Variants in PYROXD2 observed in about 807,000 individuals in gnomAD.
PYROXD2 encodes the protein pyridine nucleotide-disulfide oxidoreductase domain-containing protein 2.
A neutral mutation model predicts 71.1 loss-of-function variants in PYROXD2; 69 were observed. The observed-to-expected ratio is 0.97, with a 90% confidence interval of 0.80 to 1.19. PYROXD2 has a LOEUF of 1.19. Ranked by LOEUF, PYROXD2 falls within the 50% of genes most tolerant of loss-of-function variation. PYROXD2 has a pLI of 0.00. For synonymous variants in PYROXD2, 287 were observed against 302.7 expected (o/e 0.95, Z 0.54); for missense variants, 745 against 748.9 (o/e 0.99, Z 0.06).
Position 98,391,089 on chromosome 10 carries a change from G to A in PYROXD2, c.1063-7C>T, listed in dbSNP as rs1044207258. ...ACTCCTCAGGAAGCCACTCCTGGAA[G>A]GAGAAGGCTCCATGAAAGGCCTCAG... is the stretch of plus-strand genomic sequence containing the variant. On this transcript the variant is annotated splice_polypyrimidine_tract_variant and splice_region_variant and intron_variant, in intron 10 of 15. Coordinates refer to ENST00000370575, the MANE Select transcript of PYROXD2 (RefSeq NM_032709.3). 46 of 1,599,218 alleles carry A rather than the reference G, an allele frequency of 2.9e-5. No homozygotes were observed. Among genetic ancestry groups the A allele is most frequent in the Non-Finnish European group, 3.9e-5 (46 of 1,166,880 alleles).
chr10:98,398,091 C>T (rs887075332), intron 5 of PYROXD2, among the ~76,000 whole-genome samples: 4 of 152,096 alleles, frequency 2.6e-5, no homozygotes, highest in African/African-American at 9.7e-5. Context: ...CCATGTTGGC[C>T]AGGCTGGTCA....
intron 6 of PYROXD2, among the ~76,000 whole-genome samples, chr10:98,396,291 C>T (rs1478745204): frequency 6.6e-6 from 1 of 152,118 alleles, no homozygotes; most frequent in African/African-American, 2.4e-5. Flanking sequence ...GTGCTTGTGC[C>T]ACTGATGTGA....
At chr10:98,385,545 C>T (rs1483927720) in intron 14 of PYROXD2, among the ~76,000 whole-genome samples, 1 of 152,214 alleles carries the variant, frequency 6.6e-6, no homozygotes, top group East Asian at 1.9e-4. Context: ...TTGGGTGAGA[C>T]CAGCCCCAGG....
At chr10:98,411,815 C>T (rs770758137) in intron 1 of PYROXD2, 2 of 152,174 alleles carry the variant, frequency 1.3e-5, no homozygotes, top group Non-Finnish European at 2.9e-5. Context: ...TTAACTCTTA[C>T]CATATGAGAA....
chr10:98,414,302 G>A (rs1408319896), intron 1 of PYROXD2: 1 of 152,184 alleles, frequency 6.6e-6, no homozygotes. Flanking sequence ...CCCTCTGCAA[G>A]TGTGAAAGGA....
At chr10:98,403,571 C>T (rs1018320035) in intron 4 of PYROXD2, among the ~76,000 whole-genome samples, 1 of 152,160 alleles carries the variant, frequency 6.6e-6, no homozygotes, top group Non-Finnish European at 1.5e-5. Flanking sequence ...ACTGACCTGC[C>T]CTCTGCTCAC....
At chr10:98,399,929 C>T (rs1302107507) in intron 5 of PYROXD2, among the ~76,000 whole-genome samples, 173 bp downstream of exon 5, 3 of 152,260 alleles carry the variant, frequency 2.0e-5, no homozygotes, top group Non-Finnish European at 4.4e-5. Context: ...CCACCCGCTT[C>T]TCTTCGCAGT....
At chr10:98,388,645 T>A in intron 12 of PYROXD2, 137 bp from the exon 13 acceptor site, 2 of 1,013,438 alleles carry the variant, frequency 2.0e-6, no homozygotes, top group Non-Finnish European at 2.8e-6. Context: ...GCCACAGTGG[T>A]TGTCCACCTG....
chr10:98,398,071 C>T (rs1184079083), intron 5 of PYROXD2, among the ~76,000 whole-genome samples: 9 of 151,868 alleles, frequency 5.9e-5, no homozygotes, highest in African/African-American at 1.5e-4. Context: ...TTAGTAGAGA[C>T]GGAGTTTCAC....
chr10:98,391,957 C>T (rs1842959049), intron 10 of PYROXD2, among the ~76,000 whole-genome samples: 1 of 152,196 alleles, frequency 6.6e-6, no homozygotes, highest in Admixed American at 6.5e-5. Flanking sequence ...GACGCATGAG[C>T]AAGCCTTAAG....
intron 10 of PYROXD2, 96 bp from the exon 11 acceptor site, chr10:98,391,178 T>C: frequency 1.2e-6 from 1 of 824,802 alleles, no homozygotes; most frequent in South Asian, 1.4e-5. Flanking sequence ...AGTCGCTCCC[T>C]CCGGAAATCC....
intron 6 of PYROXD2, among the ~76,000 whole-genome samples, chr10:98,395,991 T>G (rs1843159153): frequency 6.6e-6 from 1 of 152,204 alleles, no homozygotes; most frequent in African/African-American, 2.4e-5. Context: ...GTCTGACACA[T>G]AGTAGTTGCT....
At chr10:98,392,599 G>A (rs980746887) in intron 9 of PYROXD2, 33 bp from the exon 10 acceptor site, 13 of 1,604,810 alleles carry the variant, frequency 8.1e-6, no homozygotes, top group South Asian at 2.2e-5. Flanking sequence ...CCCAGAAACC[G>A]CAGGAAGGGA....
intron 4 of PYROXD2, among the ~76,000 whole-genome samples, chr10:98,401,818 T>C (rs1843421783): frequency 6.6e-6 from 1 of 152,200 alleles, no homozygotes; most frequent in African/African-American, 2.4e-5. Context: ...CAGTAACACG[T>C]GGCACTGTCA....
At chr10:98,384,673 G>A (rs1255409256) in intron 15 of PYROXD2, among the ~76,000 whole-genome samples, 1 of 152,200 alleles carries the variant, frequency 6.6e-6, no homozygotes, top group African/African-American at 2.4e-5. Context: ...CCCCACATTG[G>A]AATGTGGTGA....
At chr10:98,404,406 C>G (rs898326800) in intron 4 of PYROXD2, among the ~76,000 whole-genome samples, 11 of 152,122 alleles carry the variant, frequency 7.2e-5, no homozygotes, top group African/African-American at 2.4e-4. Context: ...ATTCTTTGCC[C>G]AATTAAACTC....
chr10:98,385,824 G>T (rs1232869169), intron 14 of PYROXD2, among the ~76,000 whole-genome samples: 1 of 152,130 alleles, frequency 6.6e-6, no homozygotes, highest in Non-Finnish European at 1.5e-5. Context: ...TGTCACCAAG[G>T]CTTCTCAAGT....
rs1340422428 is a variant in PYROXD2 at position 98,388,381 on chromosome 10, G to C, written c.1420C>G (p.Gln474Glu). Residue 474 changes from glutamine (Q) to glutamate (E), a missense_variant, in exon 13 of 16, where the codon CAG becomes GAG. By Grantham distance (29) the Gln-to-Glu change is conservative. Transcript: ENST00000370575. ...TLAGGKAWDE[Q>E]ERDAYADRVF... ...CTGTCTGCATAAGCGTCTCTCTCCT[G>C]CTCGTCCCAGGCCTTGCCTCCAGCC... The C allele has an allele frequency of 4.3e-6, 7 of 1,613,836 alleles. No individual in the cohort carries two copies. Among genetic ancestry groups the C allele is most frequent in the Non-Finnish European group, 5.9e-6 (7 of 1,179,944 alleles).
Position 98,387,276 on chromosome 10 carries a change from G to T in PYROXD2, c.1479C>A (p.Gly493=), listed in dbSNP as rs753758428. ...CTCTGCCAACCACAGAGTCCTTGAA[G>T]CCAGGGGCATAGACCTCGATGCAAT... ...VFDCIEVYAP[G]FKDSVVGRDI... is the part of the protein sequence containing the mutation. The change falls in exon 14 of 16, where the codon GGC becomes GGA. Residue 493 remains glycine (G), a synonymous_variant. Coordinates refer to ENST00000370575, the MANE Select transcript of PYROXD2 (RefSeq NM_032709.3). 6.2e-7 allele frequency: 1 copy of T among 1,614,138 alleles called. No homozygotes were observed. Among genetic ancestry groups the T allele is most frequent in the South Asian group, 1.1e-5 (1 of 91,060 alleles).
Sources: allele counts gnomAD v4.1 joint callset (sites outside exome capture counted in the v4.1 genomes callset), GRCh38; gene constraint gnomAD v4.1.1; transcripts MANE v1.5; gene names NCBI Gene and HGNC (gene_info 2026-07-23, HGNC 2026-07-21).